CCSER1: variants seen among roughly 807,000 people sequenced by gnomAD.
CCSER1 encodes serine-rich coiled-coil domain-containing protein 1.
CCSER1 carries 41 observed loss-of-function variants against 82.0 expected under a neutral mutation model. The ratio of observed to expected loss-of-function variants is 0.50; its 90% CI spans 0.39 to 0.65. The LOEUF (loss-of-function observed/expected upper bound fraction) is 0.65, where lower values mean the gene tolerates loss of function less well. CCSER1 is among the 30% of genes least tolerant of loss of function. The pLI, the probability that CCSER1 is intolerant of heterozygous loss-of-function variation, is 0.00. For synonymous variants in CCSER1, 414 were observed against 383.9 expected (o/e 1.08, Z -0.92); for missense variants, 1,119 against 1,064.2 (o/e 1.05, Z -0.72).
intron 3 of CCSER1, among the ~76,000 whole-genome samples, chr4:90,343,419 C>T (rs143110818): frequency 6.6e-6 from 1 of 152,216 alleles, no homozygotes; most frequent in African/African-American, 2.4e-5. Flanking sequence ...GGGTTCCAGA[C>T]CAGCCTGGCC....
At chr4:90,644,966 C>T (rs2149004785) in intron 6 of CCSER1, among the ~76,000 whole-genome samples, 1 of 150,984 alleles carries the variant, frequency 6.6e-6, no homozygotes, top group East Asian at 2.0e-4. Context: ...CCTGTAATCC[C>T]AGATACTCGG....
intron 9 of CCSER1, among the ~76,000 whole-genome samples, chr4:91,009,773 A>T (rs1466518703): frequency 6.6e-6 from 1 of 152,172 alleles, no homozygotes; most frequent in Non-Finnish European, 1.5e-5. Flanking sequence ...TTGCATACAA[A>T]ACCTCTAGAT....
At chr4:91,042,567 C>A (rs1488079571) in intron 9 of CCSER1, among the ~76,000 whole-genome samples, 2 of 152,128 alleles carry the variant, frequency 1.3e-5, no homozygotes, top group Non-Finnish European at 2.9e-5. Context: ...ACAGGTAATT[C>A]TGGTCTTTCA....
intron 10 of CCSER1, among the ~76,000 whole-genome samples, chr4:91,281,621 T>A (rs181535918): frequency 9.2e-5 from 14 of 152,308 alleles, no homozygotes; most frequent in Non-Finnish European, 1.5e-4. Context: ...ACCAGTTAGA[T>A]AAAAATGTAA....
intron 10 of CCSER1, among the ~76,000 whole-genome samples, chr4:91,232,495 G>A (rs1313591612): frequency 6.6e-6 from 1 of 151,620 alleles, no homozygotes; most frequent in Non-Finnish European, 1.5e-5. Flanking sequence ...ACTATCATTT[G>A]GATAGAAAGT....
intron 4 of CCSER1, among the ~76,000 whole-genome samples, chr4:90,412,972 A>G (rs535163750): frequency 6.7e-6 from 1 of 149,396 alleles, no homozygotes; most frequent in African/African-American, 2.4e-5. Context: ...AAGCTGTCAG[A>G]AATAAAGAGC....
intron 10 of CCSER1, among the ~76,000 whole-genome samples, chr4:91,570,519 A>G (rs1044955353): frequency 2.0e-5 from 3 of 152,190 alleles, no homozygotes; most frequent in Admixed American, 6.5e-5. Context: ...CTTGACTTCT[A>G]TGTACCTGCA....
chr4:91,241,552 T>A (rs1739366532), intron 10 of CCSER1, among the ~76,000 whole-genome samples: 1 of 148,438 alleles, frequency 6.7e-6, no homozygotes, highest in South Asian at 2.1e-4. Flanking sequence ...GGTCTCGATC[T>A]CCTGACCTCT....
intron 3 of CCSER1, among the ~76,000 whole-genome samples, chr4:90,360,579 CAAAA>C (rs61140876): frequency 3.9e-4 from 30 of 75,972 alleles, no homozygotes; most frequent in South Asian, 1.9e-3. Context: ...GACTCCGTCT[CAAAA>C]AAAAAAAAAA....
intron 9 of CCSER1, among the ~76,000 whole-genome samples, chr4:91,051,939 T>C (rs947251333): frequency 6.6e-6 from 1 of 152,096 alleles, no homozygotes; most frequent in Non-Finnish European, 1.5e-5. Flanking sequence ...AGTTGGATAG[T>C]CATACTTAAA....
At chr4:91,400,945 G>A (rs562323329) in intron 10 of CCSER1, among the ~76,000 whole-genome samples, 30 of 151,612 alleles carry the variant, frequency 2.0e-4, no homozygotes, top group Non-Finnish European at 4.0e-4. Context: ...AAAATATTGG[G>A]TCATTCAATT....
chr4:90,362,566 AAGG>A (rs1233856466), intron 3 of CCSER1, among the ~76,000 whole-genome samples: 1 of 152,202 alleles, frequency 6.6e-6, no homozygotes, highest in Non-Finnish European at 1.5e-5. Context: ...TTCTTCAGAA[AAGG>A]AGAATATTGG....
intron 10 of CCSER1, among the ~76,000 whole-genome samples, chr4:91,361,447 G>A (rs1018293279): frequency 6.6e-6 from 1 of 151,832 alleles, no homozygotes; most frequent in Non-Finnish European, 1.5e-5. Flanking sequence ...TGAAGTAGGA[G>A]ATGATTAGAG....
At chr4:90,628,333 T>C in intron 6 of CCSER1, 101 bp downstream of exon 6, 2 of 868,428 alleles carry the variant, frequency 2.3e-6, no homozygotes, top group South Asian at 1.6e-5. Context: ...CTACATGACA[T>C]TGGGCAGGGG....
intron 8 of CCSER1, among the ~76,000 whole-genome samples, chr4:90,839,774 C>A (rs1452910653): frequency 1.3e-5 from 2 of 152,166 alleles, no homozygotes; most frequent in African/African-American, 4.8e-5. Flanking sequence ...TCTAAAAATT[C>A]TTCTCCCATT....
In CCSER1 at chr4:90,287,156, A is replaced by T. The variant is rs1306908140; in HGVS notation, c.-41-21088A>T. 2.0e-5 allele frequency among the ~76,000 whole-genome samples: 3 copies of T among 151,876 alleles called. 1 individual carries two copies. In the South Asian group the frequency reaches 6.2e-4, roughly 32 times the overall value. ...CCTAAAAGAAGCAATAGAATCATTG[A>T]TCTGAAATTCAAAAAAGCATCACCT... is the stretch of plus-strand genomic sequence containing the variant. On this transcript the variant is annotated intron_variant, in intron 1 of 10. Transcript: ENST00000509176.
chr4:91,442,288 A>G (rs1449793275), intron 10 of CCSER1, among the ~76,000 whole-genome samples: 4 of 152,238 alleles, frequency 2.6e-5, no homozygotes, highest in Admixed American at 6.5e-5. Flanking sequence ...AGATCAATGG[A>G]ACAGAACAGA....
intron 5 of CCSER1, among the ~76,000 whole-genome samples, chr4:90,480,075 G>T (rs1765703429): frequency 6.6e-6 from 1 of 152,138 alleles, no homozygotes; most frequent in African/African-American, 2.4e-5. Context: ...CATTCTAACT[G>T]GTGTGAGATG....
In CCSER1 at chr4:91,282,679, C is replaced by G. The variant is rs138831777; in HGVS notation, c.2217+196685C>G. 1.6e-3 allele frequency among the ~76,000 whole-genome samples: 237 copies of G among 152,214 alleles called. 1 individual carries two copies. The highest frequency in any genetic ancestry group is 5.3e-3 in the African/African-American group (219 of 41,548). On this transcript the variant is annotated intron_variant, in intron 10 of 10. Coordinates refer to ENST00000509176, the MANE Select transcript of CCSER1 (RefSeq NM_001145065.2). ...TTAATGCAATCGTGCAAATATTTGACAAGATAAGCTCCCTCTTTAGTATGT... is the reference window on the plus strand; with the variant it reads ...TTAATGCAATCGTGCAAATATTTGAGAAGATAAGCTCCCTCTTTAGTATGT...
Sources: allele counts gnomAD v4.1 joint callset (sites outside exome capture counted in the v4.1 genomes callset), GRCh38; gene constraint gnomAD v4.1.1; transcripts MANE v1.5; gene names NCBI Gene and HGNC (gene_info 2026-07-23, HGNC 2026-07-21).